The following GREB1L variants were observed in gnomAD, a reference collection of about 807,000 sequenced individuals.
GREB1L encodes the protein GREB1 like retinoic acid receptor coactivator, also known as GREB1-like protein.
In GREB1L, 17 loss-of-function variants were observed where a neutral mutation model predicts 200.8. The observed-to-expected ratio is 0.08, with a 90% confidence interval of 0.06 to 0.13. GREB1L has a LOEUF of 0.13. GREB1L is among the 10% of genes least tolerant of loss of function. The pLI, the probability that GREB1L is intolerant of heterozygous loss-of-function variation, is 1.00. For missense variants in GREB1L, 1,657 were observed against 2,367.7 expected, an observed-to-expected ratio of 0.70 and a Z score of 6.23; for synonymous variants, 789 against 893.0, an observed-to-expected ratio of 0.88 and a Z score of 2.08.
chr18:21,496,085 TCCTGCACC>T (rs1469458147), intron 20 of GREB1L, among the ~76,000 whole-genome samples: 5 of 152,148 alleles, frequency 3.3e-5, no homozygotes, highest in African/African-American at 9.7e-5. Flanking sequence ...AATCTGCTAT[TCCTGCACC>T]CCTCAAGGAT....
chr18:21,443,487 G>A (rs1202059514), intron 10 of GREB1L, among the ~76,000 whole-genome samples: 29 of 152,332 alleles, frequency 1.9e-4, no homozygotes, highest in Admixed American at 7.2e-4. Flanking sequence ...GATTATAGGC[G>A]TGAGCCACCT....
Position 21,524,840 on chromosome 18 carries a change from C to CA in GREB1L, c.*2023dup, listed in dbSNP as rs1315119719. ...TGGAAGAGATATGCCAGAATAAAGCCAAAAGACCATCACCCCTATAATGGA... is the reference window on the plus strand; with the variant it reads ...TGGAAGAGATATGCCAGAATAAAGCCAAAAAGACCATCACCCCTATAATGGA... On this transcript the variant is annotated 3_prime_UTR_variant, in exon 33 of 33. Transcript: ENST00000424526. 2.0e-5 allele frequency: 3 copies of CA among 151,866 alleles called. No individual in the cohort carries two copies. Among genetic ancestry groups the CA allele is most frequent in the Non-Finnish European group, 4.4e-5 (3 of 67,976 alleles). 9.4% of individuals were successfully genotyped at this position (151,866 alleles called of 1,614,324 possible).
intron 4 of GREB1L, among the ~76,000 whole-genome samples, chr18:21,389,350 T>TTTTTTTCA (rs1424410008): frequency 6.8e-6 from 1 of 147,970 alleles, no homozygotes; most frequent in African/African-American, 2.5e-5. Context: ...TTTTTTTTTT[T>TTTTTTTCA]TCATCAAATA....
Position 21,520,742 on chromosome 18 carries a change from G to C in GREB1L, c.5527G>C (p.Gly1843Arg). The C allele has an allele frequency of 6.4e-7, 1 of 1,551,186 alleles. No homozygotes were observed. Among genetic ancestry groups the C allele is most frequent in the East Asian group, 2.4e-5 (1 of 40,902 alleles). Reference protein sequence around the residue: ...RPHSSNVNCEGVFFSGLLLYL... With the variant: ...RPHSSNVNCERVFFSGLLLYL... Reference sequence around the variant, plus strand: ...CCACTCCAGCAATGTCAACTGTGAAGGGGTGTTTTTCAGTGGACTCCTTTT... The same window carrying C: ...CCACTCCAGCAATGTCAACTGTGAACGGGTGTTTTTCAGTGGACTCCTTTT... The change falls in exon 32 of 33, where the codon GGG (glycine) becomes CGG (arginine). Residue 1843 changes from glycine to arginine, a missense_variant. Coordinates refer to ENST00000424526, the MANE Select transcript of GREB1L (RefSeq NM_001142966.3).
chr18:21,277,116 G>C (rs1010738717), intron 1 of GREB1L, among the ~76,000 whole-genome samples: 1 of 152,042 alleles, frequency 6.6e-6, no homozygotes, highest in African/African-American at 2.4e-5. Context: ...TTTTAGTAGA[G>C]ACGGGGTTTC....
intron 1 of GREB1L, among the ~76,000 whole-genome samples, chr18:21,282,632 C>T (rs897197773): frequency 6.6e-6 from 1 of 151,458 alleles, no homozygotes; most frequent in Non-Finnish European, 1.5e-5. Flanking sequence ...CGGAGTCTTG[C>T]TCTGTCACCC....
intron 1 of GREB1L, among the ~76,000 whole-genome samples, 165 bp downstream of exon 1, chr18:21,242,558 G>GC (rs1471711909): frequency 6.6e-6 from 1 of 152,160 alleles, no homozygotes; most frequent in East Asian, 1.9e-4. Context: ...GGGAAGCTCA[G>GC]CGGGGGTGTG....
At chr18:21,459,488 G>A (rs1469402437) in intron 15 of GREB1L, among the ~76,000 whole-genome samples, 1 of 151,596 alleles carries the variant, frequency 6.6e-6, no homozygotes, top group Non-Finnish European at 1.5e-5. Context: ...GTTTCACCAT[G>A]TTGGCCAGGC....
Position 21,426,973 on chromosome 18 carries a change from C to CA in GREB1L, c.833-12534dup, listed in dbSNP as rs56776768. On this transcript the variant is annotated intron_variant, in intron 7 of 32. Transcript: ENST00000424526. ...GACTACGTCTCAAAAAAAAAAAAAA[C>CA]AAAAAAAAAAAAAACAAAAAAAAAA... is the stretch of plus-strand genomic sequence containing the variant. 9.3e-3 allele frequency among the ~76,000 whole-genome samples: 774 copies of CA among 83,646 alleles called. 6 individuals carry two copies. Among genetic ancestry groups the CA allele is most frequent in the East Asian group, 0.018 (65 of 3,626 alleles). The allele number at this position is 83,646 out of a possible 152,430, so 54.9% of individuals were successfully genotyped here.
At chr18:21,499,613 G>A in intron 21 of GREB1L, 116 bp from the exon 22 acceptor site, 2 of 682,600 alleles carry the variant, frequency 2.9e-6, no homozygotes, top group Non-Finnish European at 5.0e-6. Flanking sequence ...CTTGCTCAGG[G>A]TCTGCAGCCG....
At chr18:21,467,978 T>C (rs2035330156) in intron 15 of GREB1L, among the ~76,000 whole-genome samples, 1 of 143,214 alleles carries the variant, frequency 7.0e-6, no homozygotes, top group African/African-American at 2.6e-5. Context: ...TGAGCCGAGA[T>C]CATGCCACTG....
intron 1 of GREB1L, among the ~76,000 whole-genome samples, chr18:21,355,320 A>G (rs925230607): frequency 9.9e-5 from 15 of 152,010 alleles, no homozygotes; most frequent in African/African-American, 2.7e-4. Context: ...TAGCCTCCCA[A>G]GTAGCTGGGA....
intron 7 of GREB1L, among the ~76,000 whole-genome samples, chr18:21,434,603 G>T (rs2033420618): frequency 6.7e-6 from 1 of 150,152 alleles, no homozygotes; most frequent in Admixed American, 6.7e-5. Context: ...CTTTGAGGGG[G>T]TCTGTGGAGA....
intron 1 of GREB1L, among the ~76,000 whole-genome samples, chr18:21,280,387 C>G (rs2038247528): frequency 6.7e-6 from 1 of 149,880 alleles, no homozygotes; most frequent in Non-Finnish European, 1.5e-5. Flanking sequence ...TATCTCCTTT[C>G]TTTCTTTTTT....
chr18:21,411,850 C>T (rs1038029494), intron 7 of GREB1L, among the ~76,000 whole-genome samples: 1 of 150,590 alleles, frequency 6.6e-6, no homozygotes, highest in Non-Finnish European at 1.5e-5. Flanking sequence ...TCGAGACCAT[C>T]CTGGCTAACA....
intron 19 of GREB1L, among the ~76,000 whole-genome samples, chr18:21,491,639 G>A (rs1179739098): frequency 2.6e-5 from 4 of 151,904 alleles, no homozygotes; most frequent in Admixed American, 6.6e-5. Context: ...TGTGAACCCA[G>A]GAGGCGGAGC....
At chr18:21,346,316 A>C (rs1183883980) in intron 1 of GREB1L, among the ~76,000 whole-genome samples, 1 of 152,070 alleles carries the variant, frequency 6.6e-6, no homozygotes, top group Non-Finnish European at 1.5e-5. Context: ...CTCTCCCTGC[A>C]TCCTGTTTTA....
At chr18:21,357,977 AT>A (rs1325520326) in intron 1 of GREB1L, among the ~76,000 whole-genome samples, 1 of 152,010 alleles carries the variant, frequency 6.6e-6, no homozygotes, top group Non-Finnish European at 1.5e-5. Flanking sequence ...TTTTACGATT[AT>A]TTTTTCTATT....
chr18:21,251,976 T>C (rs2037713687), intron 1 of GREB1L, among the ~76,000 whole-genome samples: 2 of 151,444 alleles, frequency 1.3e-5, no homozygotes, highest in Non-Finnish European at 2.9e-5. Flanking sequence ...TTACCATCTC[T>C]AGTTTATAAG....
Sources: gnomAD v4.1 joint callset for allele counts (sites outside exome capture counted in the v4.1 genomes callset) on GRCh38, gnomAD v4.1.1 for gene constraint, MANE v1.5 for transcripts, NCBI Gene and HGNC (gene_info 2026-07-23, HGNC 2026-07-21) for gene names.